RAB11FIP4: variants seen among roughly 807,000 people sequenced by gnomAD.
RAB11FIP4 encodes the protein rab11 family-interacting protein 4.
Under a neutral mutation model 74.3 loss-of-function variants are expected in RAB11FIP4, and 23 were observed. The observed-to-expected ratio is 0.31, with a 90% confidence interval of 0.22 to 0.44. The LOEUF is 0.44. RAB11FIP4 is among the 20% of genes least tolerant of loss of function. RAB11FIP4 has a pLI of 1.00. For missense variants in RAB11FIP4, 630 were observed against 863.9 expected, an observed-to-expected ratio of 0.73 and a Z score of 3.39; for synonymous variants, 360 against 359.9, an observed-to-expected ratio of 1.00 and a Z score of 0.00.
At chr17:31,401,951 C>G (rs898882575) in intron 1 of RAB11FIP4, among the ~76,000 whole-genome samples, 1 of 152,140 alleles carries the variant, frequency 6.6e-6, no homozygotes, top group African/African-American at 2.4e-5. Context: ...CTTCCTCCAC[C>G]CATTCATCCA....
In RAB11FIP4 at chr17:31,512,487, C is replaced by T. The variant is rs1316355076; in HGVS notation, c.337-5164C>T. On this transcript the variant is annotated intron_variant, in intron 3 of 14. Coordinates refer to ENST00000621161, the MANE Select transcript of RAB11FIP4 (RefSeq NM_032932.6). The surrounding 1 kb of genome is among the most constrained non-coding windows in gnomAD (Gnocchi z 4.1). ...CTTCTGGAGGAACACGCTGCTGCATCCGCTCTCTCCCTTCACCCCGGGGTC... is the reference window on the plus strand; with the variant it reads ...CTTCTGGAGGAACACGCTGCTGCATTCGCTCTCTCCCTTCACCCCGGGGTC... Among the ~76,000 whole-genome samples the T allele has an allele frequency of 6.6e-6, 1 of 152,166 alleles. No homozygotes were observed. The highest frequency in any genetic ancestry group is 1.5e-5 in the Non-Finnish European group (1 of 68,006).
At chr17:31,410,363 C>T (rs1436795726) in intron 1 of RAB11FIP4, among the ~76,000 whole-genome samples, 1 of 152,154 alleles carries the variant, frequency 6.6e-6, no homozygotes, top group Non-Finnish European at 1.5e-5. Flanking sequence ...AACATACCTG[C>T]ACCTGCGGCT....
rs535570696 is a variant in RAB11FIP4, at chr17:31,506,257, A to G, written c.337-11394A>G. Reference sequence around the variant, plus strand: ...GAGTTTTAATCCTACATAATCTTTAAGTTTTTAATTGACATACAATTGTAC... The same window carrying G: ...GAGTTTTAATCCTACATAATCTTTAGGTTTTTAATTGACATACAATTGTAC... On this transcript the variant is annotated intron_variant, in intron 3 of 14. Coordinates refer to ENST00000621161, the MANE Select transcript of RAB11FIP4 (RefSeq NM_032932.6). 4.6e-5 allele frequency among the ~76,000 whole-genome samples: 7 copies of G among 152,318 alleles called. No homozygotes were observed. The South Asian group carries it at 1.2e-3, about 27-fold the overall frequency.
intron 1 of RAB11FIP4, among the ~76,000 whole-genome samples, chr17:31,422,917 CTT>C (rs35668224): frequency 0.023 from 2,905 of 126,230 alleles, 38 homozygotes; most frequent in African/African-American, 0.081. Context: ...TATTGATTGC[CTT>C]TTTTTTTTTT....
chr17:31,413,888 A>T (rs178845), intron 1 of RAB11FIP4, among the ~76,000 whole-genome samples: 71,612 of 152,122 alleles, frequency 0.47, 17,698 homozygotes, highest in Non-Finnish European at 0.52. Context: ...TCCAGTTCAT[A>T]TTTTAAATTC....
At chr17:31,448,243 C>A (rs763131971) in intron 3 of RAB11FIP4, among the ~76,000 whole-genome samples, 1 of 151,594 alleles carries the variant, frequency 6.6e-6, no homozygotes, top group African/African-American at 2.4e-5. Flanking sequence ...TTTTGTTTTC[C>A]TTTTCTTTTT....
intron 3 of RAB11FIP4, among the ~76,000 whole-genome samples, chr17:31,503,521 G>A (rs1462587583): frequency 6.7e-6 from 1 of 149,800 alleles, no homozygotes; most frequent in Non-Finnish European, 1.5e-5. Flanking sequence ...GCAGAGTAGA[G>A]GGGAGGCAGT....
intron 3 of RAB11FIP4, among the ~76,000 whole-genome samples, chr17:31,498,312 C>T (rs1375443221): frequency 1.3e-5 from 2 of 152,226 alleles, no homozygotes; most frequent in Admixed American, 6.5e-5. Flanking sequence ...CCATGCAAGA[C>T]AGCAGCTTCT....
In RAB11FIP4 at chr17:31,425,080, G is replaced by A. The variant is rs183074790; in HGVS notation, c.160-6733G>A. On this transcript the variant is annotated intron_variant, in intron 1 of 14. Coordinates refer to ENST00000621161, the MANE Select transcript of RAB11FIP4 (RefSeq NM_032932.6). ...CTAAGGGCATGGAGTCTGGAACCAG[G>A]CCTCTTGTGTTCAGCCGTCTTCTAC... Among the ~76,000 whole-genome samples, 510 of 152,276 alleles carry A rather than the reference G, an allele frequency of 3.3e-3. 2 individuals carry two copies. The highest frequency in any genetic ancestry group is 0.012 in the African/African-American group (481 of 41,564).
chr17:31,497,343 G>A (rs912334096), intron 3 of RAB11FIP4, among the ~76,000 whole-genome samples: 1 of 152,024 alleles, frequency 6.6e-6, no homozygotes, highest in African/African-American at 2.4e-5. Flanking sequence ...CAGCCTGGGC[G>A]ACAGAGCGAT....
At chr17:31,412,177 C>T (rs942275328) in intron 1 of RAB11FIP4, among the ~76,000 whole-genome samples, 1 of 152,200 alleles carries the variant, frequency 6.6e-6, no homozygotes, top group Non-Finnish European at 1.5e-5. Flanking sequence ...AGTTCATCCT[C>T]TAGGGGTGAC....
chr17:31,409,807 AGAGTGCAAGGG>A (rs1276778241), intron 1 of RAB11FIP4, among the ~76,000 whole-genome samples: 1 of 152,326 alleles, frequency 6.6e-6, no homozygotes, highest in East Asian at 1.9e-4. Context: ...GTAAACAAAT[AGAGTGCAAGGG>A]GACCAGCCCG....
Position 31,431,755 on chromosome 17 carries a change from C to G in RAB11FIP4, c.160-58C>G, listed in dbSNP as rs566368462. On this transcript the variant is annotated intron_variant, in intron 1 of 14. Coordinates refer to ENST00000621161, the MANE Select transcript of RAB11FIP4 (RefSeq NM_032932.6). ...CCCTCCCAGCCTCCCCACCCAGCTCCCTGAGTCTTCGGGAGATCCTTGGGT... is the reference window on the plus strand; with the variant it reads ...CCCTCCCAGCCTCCCCACCCAGCTCGCTGAGTCTTCGGGAGATCCTTGGGT... 2.5e-6 allele frequency: 3 copies of G among 1,177,614 alleles called. No homozygotes were observed. The South Asian group carries it at 3.7e-5, about 14-fold the overall frequency. The allele number at this position is 1,177,614 out of a possible 1,614,324, so 72.9% of individuals were successfully genotyped here.
Position 31,522,547 on chromosome 17 carries a change from G to A in RAB11FIP4, c.929+152G>A, listed in dbSNP as rs1390178787. ...GGCCATCCCAGGGCAGTGCAGCCAGGGCAGCGTCACTTCTGAAAAAGAGGG... is the reference window on the plus strand; with the variant it reads ...GGCCATCCCAGGGCAGTGCAGCCAGAGCAGCGTCACTTCTGAAAAAGAGGG... On this transcript the variant is annotated intron_variant, in intron 7 of 14. Transcript: ENST00000621161. The A allele has an allele frequency of 1.0e-5, 7 of 689,296 alleles. No homozygotes were observed. In the East Asian group the frequency reaches 1.3e-4, roughly 13 times the overall value. The allele number at this position is 689,296 out of a possible 1,614,324, so 42.7% of individuals were successfully genotyped here.
Position 31,532,264 on chromosome 17 carries a change from G to A in RAB11FIP4, c.*532G>A, listed in dbSNP as rs1390881221. ...TGTTCAAGCTCAGAGAGGATGAAGG[G>A]GCATCTGGAGGGTCCATGAGATGGG... On this transcript the variant is annotated 3_prime_UTR_variant, in exon 15 of 15. Transcript: ENST00000621161. 6.4e-6 allele frequency: 1 copy of A among 156,004 alleles called. No homozygotes were observed. The highest frequency in any genetic ancestry group is 2.4e-5 in the African/African-American group (1 of 41,440). 9.7% of individuals were successfully genotyped at this position (156,004 alleles called of 1,614,324 possible).
chr17:31,428,229 C>T (rs1470727937), intron 1 of RAB11FIP4, among the ~76,000 whole-genome samples: 7 of 152,210 alleles, frequency 4.6e-5, no homozygotes, highest in South Asian at 2.1e-4. Flanking sequence ...GCCAGGCCAC[C>T]GGCAGTGACC....
chr17:31,474,458 G>A (rs944202770), intron 3 of RAB11FIP4, among the ~76,000 whole-genome samples: 2 of 152,064 alleles, frequency 1.3e-5, no homozygotes, highest in African/African-American at 2.4e-5. Flanking sequence ...GATCACTTAA[G>A]GTCAGGAGTT....
At chr17:31,410,610 G>A (rs886834018) in intron 1 of RAB11FIP4, among the ~76,000 whole-genome samples, 4 of 152,060 alleles carry the variant, frequency 2.6e-5, no homozygotes, top group African/African-American at 4.8e-5. Flanking sequence ...GCACTGCACC[G>A]AGGGGGCTGA....
At chr17:31,426,892 G>A (rs954949821) in intron 1 of RAB11FIP4, among the ~76,000 whole-genome samples, 3 of 151,996 alleles carry the variant, frequency 2.0e-5, no homozygotes, top group Non-Finnish European at 2.9e-5. Flanking sequence ...CAGGCACCAC[G>A]CCCAGCCCAA....
Sources: allele counts gnomAD v4.1 joint callset (sites outside exome capture counted in the v4.1 genomes callset), GRCh38; gene constraint gnomAD v4.1.1; non-coding constraint Gnocchi (gnomAD v3.1); transcripts MANE v1.5; gene names NCBI Gene and HGNC (gene_info 2026-07-23, HGNC 2026-07-21).